Variants in ARHGAP26 observed in about 807,000 individuals in gnomAD.
ARHGAP26 encodes Rho GTPase activating protein 26.
In ARHGAP26, 38 loss-of-function variants were observed where a neutral mutation model predicts 104.8. The observed-to-expected ratio is 0.36, with a 90% CI of 0.28 to 0.48. The LOEUF is 0.48. Among genes scored for constraint, ARHGAP26 ranks in the 20% least tolerant of loss-of-function variants. The probability of loss-of-function intolerance (pLI) is 0.99; values close to 1 mark genes in which losing one functional copy is unlikely to be tolerated. For missense variants in ARHGAP26, 704 were observed against 947.9 expected (o/e 0.74, Z 3.38); for synonymous variants, 341 against 340.0 (o/e 1.00, Z -0.03).
chr5:142,987,554 G>C (rs955897656), intron 11 of ARHGAP26, among the ~76,000 whole-genome samples: 1 of 151,966 alleles, frequency 6.6e-6, no homozygotes, highest in African/African-American at 2.4e-5. Flanking sequence ...TGGTGAGAGA[G>C]GGCATCCCTG....
chr5:143,045,004 C>CT (rs1784026928), intron 14 of ARHGAP26, among the ~76,000 whole-genome samples: 2 of 152,236 alleles, frequency 1.3e-5, no homozygotes, highest in South Asian at 4.1e-4. Flanking sequence ...TAAGATGACA[C>CT]TAATGAAAAG....
At chr5:142,862,750 TCTTTTA>T (rs1470616615) in intron 1 of ARHGAP26, among the ~76,000 whole-genome samples, 1 of 152,244 alleles carries the variant, frequency 6.6e-6, no homozygotes, top group African/African-American at 2.4e-5. Flanking sequence ...GCAAGGCCTT[TCTTTTA>T]CTTATAAACC....
At chr5:142,977,598 A>C (rs543581396) in intron 11 of ARHGAP26, among the ~76,000 whole-genome samples, 1,723 of 152,224 alleles carry the variant, frequency 0.011, 33 homozygotes, top group African/African-American at 0.04. Context: ...CGTTGAACTC[A>C]GCAGTTTCCT....
chr5:143,108,745 T>G (rs543128076), intron 17 of ARHGAP26, among the ~76,000 whole-genome samples: 2 of 152,358 alleles, frequency 1.3e-5, no homozygotes, highest in East Asian at 3.9e-4. Flanking sequence ...AGTGTATGCT[T>G]CTTTATCAGT....
At chr5:142,966,677 A>G (rs1343339198) in intron 11 of ARHGAP26, among the ~76,000 whole-genome samples, 4 of 152,262 alleles carry the variant, frequency 2.6e-5, no homozygotes, top group Non-Finnish European at 5.9e-5. Flanking sequence ...AGAAGAAGAA[A>G]GATAAAGATT....
intron 1 of ARHGAP26, among the ~76,000 whole-genome samples, chr5:142,836,596 T>C (rs1474428133): frequency 6.6e-6 from 1 of 152,228 alleles, no homozygotes; most frequent in African/African-American, 2.4e-5. Context: ...AGGCCTGTGT[T>C]TTCACAGAAG....
chr5:142,909,994 C>T (rs148972231), intron 9 of ARHGAP26, among the ~76,000 whole-genome samples: 259 of 152,302 alleles, frequency 1.7e-3, no homozygotes, highest in African/African-American at 5.7e-3. Flanking sequence ...TACTAGAAAG[C>T]ATGTCATTGG....
intron 1 of ARHGAP26, among the ~76,000 whole-genome samples, chr5:142,799,154 T>TAGCG (rs1478915288): frequency 6.6e-6 from 1 of 152,188 alleles, no homozygotes; most frequent in African/African-American, 2.4e-5. Flanking sequence ...TTCACTCTTA[T>TAGCG]AGCGGTGAAT....
intron 1 of ARHGAP26, among the ~76,000 whole-genome samples, chr5:142,800,455 C>T (rs1424340870): frequency 6.6e-6 from 1 of 151,842 alleles, no homozygotes; most frequent in Non-Finnish European, 1.5e-5. Context: ...CTGCAACCTC[C>T]GGGTTCAAAC....
At chr5:143,028,589 A>T (rs1206350699) in intron 12 of ARHGAP26, among the ~76,000 whole-genome samples, 1 of 152,204 alleles carries the variant, frequency 6.6e-6, no homozygotes, top group Non-Finnish European at 1.5e-5. Flanking sequence ...ATGATCATGT[A>T]TTGAATACCA....
At chr5:142,928,643 T>C (rs1407662426) in intron 10 of ARHGAP26, among the ~76,000 whole-genome samples, 1 of 152,210 alleles carries the variant, frequency 6.6e-6, no homozygotes, top group African/African-American at 2.4e-5. Flanking sequence ...TTGCCAGCTC[T>C]GTGATTGTGG....
intron 17 of ARHGAP26, among the ~76,000 whole-genome samples, chr5:143,094,821 A>G (rs1164896846): frequency 6.6e-6 from 1 of 152,200 alleles, no homozygotes; most frequent in Non-Finnish European, 1.5e-5. Flanking sequence ...GCAGGTAATC[A>G]GAATGAGTCA....
chr5:142,958,310 G>T (rs1012665268), intron 11 of ARHGAP26, among the ~76,000 whole-genome samples: 1 of 152,114 alleles, frequency 6.6e-6, no homozygotes, highest in Non-Finnish European at 1.5e-5. Context: ...CTCTGAGGTG[G>T]TATTGTAACC....
Position 142,875,897 on chromosome 5 carries a change from T to C in ARHGAP26, c.312+726T>C, listed in dbSNP as rs142463726. 5.5e-4 allele frequency among the ~76,000 whole-genome samples: 84 copies of C among 152,330 alleles called. 1 individual carries two copies. The highest frequency in any genetic ancestry group is 1.9e-3 in the African/African-American group (78 of 41,584). On this transcript the variant is annotated intron_variant, in intron 3 of 22. Coordinates refer to ENST00000645722, the MANE Select transcript of ARHGAP26 (RefSeq NM_001135608.3). The stretch of plus-strand genomic sequence containing the variant: ...CTAGGACTATAGGTGTGCACCACTG[T>C]GCCTAGCTAATTTATTTTTGTTTTT...
intron 11 of ARHGAP26, among the ~76,000 whole-genome samples, chr5:142,950,621 C>A (rs1040418699): frequency 2.0e-5 from 3 of 152,122 alleles, no homozygotes; most frequent in African/African-American, 7.2e-5. Context: ...CAGCGACACC[C>A]AATTTGAGTT....
At chr5:142,958,256 A>T (rs975070530) in intron 11 of ARHGAP26, among the ~76,000 whole-genome samples, 1 of 152,214 alleles carries the variant, frequency 6.6e-6, no homozygotes, top group African/African-American at 2.4e-5. Context: ...AAGATGATCT[A>T]TGTAAAATGC....
At chr5:142,876,747 A>G (rs60795239) in intron 3 of ARHGAP26, among the ~76,000 whole-genome samples, 1,869 of 139,258 alleles carry the variant, frequency 0.013, 42 homozygotes, top group African/African-American at 0.049. Context: ...ATTGCACTCC[A>G]GCCTGGGCAA....
intron 2 of ARHGAP26, among the ~76,000 whole-genome samples, chr5:142,874,216 A>T (rs1407925606): frequency 6.6e-6 from 1 of 152,206 alleles, no homozygotes; most frequent in Non-Finnish European, 1.5e-5. Context: ...CTTGGTCTGT[A>T]GGCAGCCGTA....
chr5:142,845,762 A>C (rs987587321), intron 1 of ARHGAP26, among the ~76,000 whole-genome samples: 1 of 152,078 alleles, frequency 6.6e-6, no homozygotes, highest in South Asian at 2.1e-4. Flanking sequence ...CCTCACCATG[A>C]TGGCTTCAGG....
Sources: gnomAD v4.1 joint callset for allele counts (sites outside exome capture counted in the v4.1 genomes callset) on GRCh38, gnomAD v4.1.1 for gene constraint, MANE v1.5 for transcripts, NCBI Gene and HGNC (gene_info 2026-07-23, HGNC 2026-07-21) for gene names.